Variants in LDB2 observed in about 807,000 individuals in gnomAD.
LDB2 encodes LIM domain-binding protein 2.
Under a neutral mutation model 44.3 loss-of-function variants are expected in LDB2, and 12 were observed. That is an observed-to-expected ratio of 0.27 (90% CI 0.17 to 0.44). LDB2 has a LOEUF of 0.44. LDB2 is among the 20% of genes least tolerant of loss of function. The pLI, the probability that LDB2 is intolerant of heterozygous loss-of-function variation, is 1.00. For synonymous variants in LDB2, 164 were observed against 174.8 expected (o/e 0.94, Z 0.49); for missense variants, 344 against 473.5 (o/e 0.73, Z 2.54).
At chr4:16,687,321 A>G (rs1749498388) in intron 2 of LDB2, among the ~76,000 whole-genome samples, 1 of 152,144 alleles carries the variant, frequency 6.6e-6, no homozygotes, top group Non-Finnish European at 1.5e-5. Flanking sequence ...GCCCTTATAA[A>G]AAGAGACTTG....
intron 2 of LDB2, among the ~76,000 whole-genome samples, chr4:16,724,515 T>A (rs1759011686): frequency 6.6e-6 from 1 of 152,028 alleles, no homozygotes; most frequent in Non-Finnish European, 1.5e-5. Flanking sequence ...GTGAATGAAG[T>A]CAGCACTAAA....
intron 5 of LDB2, among the ~76,000 whole-genome samples, chr4:16,522,741 G>GT (rs1726725041): frequency 6.6e-6 from 1 of 152,152 alleles, no homozygotes; most frequent in Non-Finnish European, 1.5e-5. Context: ...TCTGTCTATG[G>GT]TATATATAAC....
intron 2 of LDB2, among the ~76,000 whole-genome samples, chr4:16,757,317 C>T (rs1157452381): frequency 6.6e-6 from 1 of 152,176 alleles, no homozygotes. Context: ...GACCGTCAAT[C>T]ATCTTTGTTT....
At chr4:16,784,121 T>C (rs1462227765) in intron 1 of LDB2, among the ~76,000 whole-genome samples, 3 of 152,218 alleles carry the variant, frequency 2.0e-5, no homozygotes, top group African/African-American at 7.2e-5. Flanking sequence ...ATTTTTAAAA[T>C]AATCAGCGTT....
intron 3 of LDB2, among the ~76,000 whole-genome samples, chr4:16,593,678 G>T (rs751746608): frequency 2.4e-4 from 37 of 152,290 alleles, no homozygotes; most frequent in Middle Eastern, 3.4e-3. Context: ...CATCAGATGG[G>T]TGGTCCAAAC....
In LDB2 at chr4:16,734,258, T is replaced by C. The variant is rs186598129; in HGVS notation, c.235+24900A>G. On this transcript the variant is annotated intron_variant, in intron 2 of 7. Coordinates refer to ENST00000304523, the MANE Select transcript of LDB2 (RefSeq NM_001290.5). Reference sequence around the variant, plus strand: ...AAGTCAGTTTTTGGAGCAAGGTGTTTGAAAACCCACTCACTGGGGTAATGC... The same window carrying C: ...AAGTCAGTTTTTGGAGCAAGGTGTTCGAAAACCCACTCACTGGGGTAATGC... Among the ~76,000 whole-genome samples, 4 of 152,300 alleles carry C rather than the reference T, an allele frequency of 2.6e-5. No individual in the cohort carries two copies. The East Asian group carries it at 7.7e-4, about 29-fold the overall frequency.
intron 2 of LDB2, among the ~76,000 whole-genome samples, chr4:16,717,159 A>AAAT (rs140994016): frequency 0.026 from 3,798 of 146,464 alleles, 106 homozygotes; most frequent in East Asian, 0.075. Context: ...AGCTAATAGC[A>AAAT]AATAATAATA....
intron 2 of LDB2, among the ~76,000 whole-genome samples, chr4:16,602,538 G>A (rs1722852201): frequency 6.6e-6 from 1 of 152,086 alleles, no homozygotes; most frequent in African/African-American, 2.4e-5. Context: ...ACGGCAAATG[G>A]CTTCCGTTTT....
intron 2 of LDB2, among the ~76,000 whole-genome samples, chr4:16,723,888 C>T (rs1050996546): frequency 6.6e-6 from 1 of 152,134 alleles, no homozygotes; most frequent in African/African-American, 2.4e-5. Flanking sequence ...CCTGCTACCA[C>T]CTCTTCTTGT....
chr4:16,506,083 A>G, intron 7 of LDB2: 3 of 1,267,554 alleles, frequency 2.4e-6, no homozygotes, highest in Non-Finnish European at 2.1e-6. Flanking sequence ...AGCTGTGGTC[A>G]TAGTGGCACA....
intron 2 of LDB2, among the ~76,000 whole-genome samples, chr4:16,714,811 G>T (rs1206039845): frequency 1.3e-5 from 2 of 151,876 alleles, no homozygotes; most frequent in Non-Finnish European, 2.9e-5. Flanking sequence ...CCTAATCCCT[G>T]TCTCTGTCTT....
At chr4:16,618,207 C>A (rs1446292565) in intron 2 of LDB2, among the ~76,000 whole-genome samples, 1 of 152,148 alleles carries the variant, frequency 6.6e-6, no homozygotes, top group African/African-American at 2.4e-5. Flanking sequence ...CAGGCCTCAC[C>A]CCCAGCAGCT....
At chr4:16,693,276 CA>C (rs1174887285) in intron 2 of LDB2, among the ~76,000 whole-genome samples, 1 of 151,168 alleles carries the variant, frequency 6.6e-6, no homozygotes, top group Non-Finnish European at 1.5e-5. Flanking sequence ...AGGCAACTGT[CA>C]TAGTCTCAGA....
intron 2 of LDB2, among the ~76,000 whole-genome samples, chr4:16,739,713 T>TACATATAC (rs1762807869): frequency 1.1e-4 from 11 of 97,386 alleles, no homozygotes; most frequent in African/African-American, 4.4e-4. Context: ...TGTGTATATA[T>TACATATAC]GTATATATAC....
intron 1 of LDB2, among the ~76,000 whole-genome samples, chr4:16,844,560 T>A (rs538508566): frequency 2.6e-5 from 4 of 152,350 alleles, no homozygotes; most frequent in East Asian, 3.9e-4. Context: ...TTCTGCTTTT[T>A]GATGGGGTAA....
At chr4:16,604,904 A>G (rs898338334) in intron 2 of LDB2, among the ~76,000 whole-genome samples, 11 of 152,204 alleles carry the variant, frequency 7.2e-5, no homozygotes, top group Non-Finnish European at 4.4e-5. Flanking sequence ...GATAAATTTA[A>G]CTTATGAATT....
At chr4:16,708,579 CCAA>C (rs770698596) in intron 2 of LDB2, among the ~76,000 whole-genome samples, 8 of 152,104 alleles carry the variant, frequency 5.3e-5, no homozygotes, top group Non-Finnish European at 1.2e-4. Flanking sequence ...TCTTCTTCAG[CCAA>C]CAACAATCAT....
At chr4:16,732,771 A>G (rs923907481) in intron 2 of LDB2, among the ~76,000 whole-genome samples, 1 of 152,226 alleles carries the variant, frequency 6.6e-6, no homozygotes. Flanking sequence ...GACCAAGAAG[A>G]GGGAAAGAAA....
intron 1 of LDB2, among the ~76,000 whole-genome samples, chr4:16,774,382 T>C (rs1771440216): frequency 6.6e-6 from 1 of 152,144 alleles, no homozygotes; most frequent in Admixed American, 6.5e-5. Context: ...TGGTGACTAT[T>C]CCTGTAATAT....
Sources: gnomAD v4.1 joint callset for allele counts (sites outside exome capture counted in the v4.1 genomes callset) on GRCh38, gnomAD v4.1.1 for gene constraint, MANE v1.5 for transcripts, NCBI Gene and HGNC (gene_info 2026-07-23, HGNC 2026-07-21) for gene names.